SMC2: variants seen among roughly 807,000 people sequenced by gnomAD.
SMC2 encodes structural maintenance of chromosomes protein 2.
A neutral mutation model predicts 142.6 loss-of-function variants in SMC2; 41 were observed. That is an observed-to-expected ratio of 0.29 (90% CI 0.22 to 0.37). The LOEUF is 0.37. Ranked by LOEUF, SMC2 falls within the 10% of genes least tolerant of loss-of-function variation. SMC2 has a pLI of 1.00. For missense variants in SMC2, 1,265 were observed against 1,373.7 expected, an observed-to-expected ratio of 0.92 and a Z score of 1.25; for synonymous variants, 463 against 457.5, an observed-to-expected ratio of 1.01 and a Z score of -0.15.
chr9:104,100,372 T>G lies in SMC2; in HGVS notation c.592-17T>G, dbSNP rs752766706. The G allele has an allele frequency of 6.6e-7, 1 of 1,516,006 alleles. No homozygotes were observed. The highest frequency in any genetic ancestry group is 9.1e-7 in the Non-Finnish European group (1 of 1,096,398). 93.9% of individuals were successfully genotyped at this position (1,516,006 alleles called of 1,614,324 possible). On this transcript the variant is annotated splice_polypyrimidine_tract_variant and intron_variant, in intron 6 of 24. Transcript: ENST00000374793. ...ATACTTTACATGCGAAAATACTGAT[T>G]TTTCTTTATTTTCCAGATACTTGAA... is the stretch of plus-strand genomic sequence containing the variant.
At chr9:104,137,200 A>G (rs1183337635) in intron 23 of SMC2, among the ~76,000 whole-genome samples, 1 of 152,210 alleles carries the variant, frequency 6.6e-6, no homozygotes, top group Non-Finnish European at 1.5e-5. Context: ...ACTGTATGCC[A>G]GGATGTACTT....
chr9:104,095,514 T>G lies in SMC2; in HGVS notation c.130T>G (p.Ser44Ala). 6.2e-7 allele frequency: 1 copy of G among 1,614,088 alleles called. No individual in the cohort carries two copies. Among genetic ancestry groups the G allele is most frequent in the Non-Finnish European group, 8.5e-7 (1 of 1,179,940 alleles). ...TAGTGGGAAATCCAACATATTGGAC[T>G]CCATCTGCTTTTTGCTGGGCATCTC... ...NGSGKSNILD[S>A]ICFLLGISNL... is the part of the protein sequence containing the mutation. The change falls in exon 2 of 25, where the codon TCC becomes GCC. Residue 44 changes from serine (S) to alanine (A), a missense_variant. Around this residue, in one of 4 missense-constraint regions of SMC2, gnomAD observed 168 missense variants for 184.8 expected, o/e 0.91. Coordinates refer to ENST00000374793, the MANE Select transcript of SMC2 (RefSeq NM_006444.3).
At chr9:104,123,377 T>A in intron 17 of SMC2, 145 bp downstream of exon 17, 1 of 669,088 alleles carries the variant, frequency 1.5e-6, no homozygotes, top group Non-Finnish European at 2.3e-6. Context: ...TTTCTAGGTC[T>A]TAGGGTATGG....
At chr9:104,097,930 T>C (rs999421410) in intron 3 of SMC2, among the ~76,000 whole-genome samples, 5 of 152,094 alleles carry the variant, frequency 3.3e-5, no homozygotes, top group African/African-American at 1.2e-4. Flanking sequence ...AGTGTGATAG[T>C]AGAGTATGGT....
intron 18 of SMC2, among the ~76,000 whole-genome samples, chr9:104,126,278 A>ACT (rs1434265947): frequency 2.0e-5 from 3 of 152,218 alleles, no homozygotes; most frequent in African/African-American, 7.2e-5. Context: ...ATAGTGGGAA[A>ACT]GAAGAATATT....
chr9:104,137,872 G>T (rs935689874), intron 23 of SMC2, 146 bp from the exon 24 acceptor site: 1 of 448,240 alleles, frequency 2.2e-6, no homozygotes, highest in South Asian at 9.2e-5. Flanking sequence ...AAGTGTTAAA[G>T]TTTGAAACTC....
chr9:104,116,858 T>A (rs1160954903), intron 14 of SMC2, among the ~76,000 whole-genome samples: 2 of 152,168 alleles, frequency 1.3e-5, no homozygotes. Context: ...AGAAAATAGA[T>A]TAGTACAAGG....
At position 104,116,078 on chromosome 9, in the gene SMC2, A is replaced by G. The variant is rs1017828956; in HGVS notation, c.1672-122A>G. On this transcript the variant is annotated intron_variant, in intron 13 of 24. Coordinates refer to ENST00000374793, the MANE Select transcript of SMC2 (RefSeq NM_006444.3). The stretch of plus-strand genomic sequence containing the variant: ...CAAATGATGTTCCATTGCATATGTA[A>G]TTATAACTTGATTGGGATAAATGGC... 6 of 815,782 alleles carry G rather than the reference A, an allele frequency of 7.4e-6. No homozygotes were observed. In the Admixed American group the frequency reaches 2.1e-4, roughly 29 times the overall value. 50.5% of individuals were successfully genotyped at this position (815,782 alleles called of 1,614,324 possible). A position where few individuals can be genotyped will look rare whatever the true frequency, so the allele number is the denominator to read the frequency against.
At chr9:104,132,402 T>G (rs913032226) in intron 22 of SMC2, among the ~76,000 whole-genome samples, 3 of 152,134 alleles carry the variant, frequency 2.0e-5, no homozygotes, top group African/African-American at 7.2e-5. Context: ...AAATCCCAAT[T>G]CCATTTTGTT....
chr9:104,104,756 T>C (rs1009683671), intron 9 of SMC2, among the ~76,000 whole-genome samples: 1 of 152,206 alleles, frequency 6.6e-6, no homozygotes, highest in Non-Finnish European at 1.5e-5. Flanking sequence ...CCCACAGACT[T>C]CTCTGAAGCT....
At position 104,140,772 on chromosome 9, in the gene SMC2, A is replaced by G. The variant is rs1005265221; in HGVS notation, c.*1457A>G. The G allele has an allele frequency of 2.6e-5, 4 of 152,618 alleles. No individual in the cohort carries two copies. Among genetic ancestry groups the G allele is most frequent in the Non-Finnish European group, 5.9e-5 (4 of 68,028 alleles). The allele number at this position is 152,618 out of a possible 1,614,324, so 9.5% of individuals were successfully genotyped here. On this transcript the variant is annotated 3_prime_UTR_variant, in exon 25 of 25. Coordinates refer to ENST00000374793, the MANE Select transcript of SMC2 (RefSeq NM_006444.3). ...TATTACAGACTGTGCCAAAACAGTT[A>G]CCAATTCACACTGTCAATATTAAAG...
chr9:104,111,424 AATG>A (rs1194692661), intron 9 of SMC2, among the ~76,000 whole-genome samples, 154 bp from the exon 10 acceptor site: 3 of 152,324 alleles, frequency 2.0e-5, no homozygotes, highest in East Asian at 3.9e-4. Flanking sequence ...TGAATTTCAA[AATG>A]ATAATTCAGT....
chr9:104,135,486 G>T (rs1835431341), intron 23 of SMC2, among the ~76,000 whole-genome samples: 1 of 152,272 alleles, frequency 6.6e-6, no homozygotes, highest in East Asian at 1.9e-4. Context: ...TAATGGGCAA[G>T]TAATTGGAGT....
chr9:104,094,269 T>C, upstream of SMC2: 1 of 398,414 alleles, frequency 2.5e-6, no homozygotes, highest in Non-Finnish European at 4.4e-6. Flanking sequence ...GCACAGGAAA[T>C]AAGCAATGGA....
rs1477348527 is a variant in SMC2, at chr9:104,113,482, C to A, written c.1414+7C>A. ...AAAAAGCTAAATTATGAAGGTTTGC[C>A]TTTAAAAACATGATAATCAGATCAT... On this transcript the variant is annotated splice_region_variant and intron_variant, in intron 11 of 24. Coordinates refer to ENST00000374793, the MANE Select transcript of SMC2 (RefSeq NM_006444.3). 6.3e-7 allele frequency: 1 copy of A among 1,586,674 alleles called. No individual in the cohort carries two copies. The highest frequency in any genetic ancestry group is 1.8e-5 in the Admixed American group (1 of 54,554).
chr9:104,118,331 C>T lies in SMC2; in HGVS notation c.1952C>T (p.Thr651Ile). The change falls in exon 15 of 25, where the codon ACT becomes ATT. Residue 651 changes from threonine (T) to isoleucine (I), a missense_variant. Thr to Ile is a moderately conservative substitution (Grantham distance 89). This residue lies in a region of SMC2 where 898 missense variants were observed against 904.2 expected (regional missense o/e 0.99). Coordinates refer to ENST00000374793, the MANE Select transcript of SMC2 (RefSeq NM_006444.3). The part of the protein sequence containing the change: ...FDKRIMTRTV[T>I]LGGDVFDPHG... The stretch of plus-strand genomic sequence containing the variant: ...AAGAGGATAATGACTAGAACTGTAA[C>T]TCTCGGAGGTGATGTGTTTGATCCT... 6.2e-7 allele frequency: 1 copy of T among 1,613,506 alleles called. No homozygotes were observed. Among genetic ancestry groups the T allele is most frequent in the Non-Finnish European group, 8.5e-7 (1 of 1,179,620 alleles).
At chr9:104,123,300 T>G in intron 17 of SMC2, 68 bp downstream of exon 17, 2 of 1,465,440 alleles carry the variant, frequency 1.4e-6, no homozygotes, top group Non-Finnish European at 1.9e-6. Context: ...TTTAGGTATC[T>G]TCTCTACCTG....
intron 9 of SMC2, among the ~76,000 whole-genome samples, chr9:104,108,955 G>A (rs947918863): frequency 1.3e-5 from 2 of 152,112 alleles, no homozygotes; most frequent in African/African-American, 2.4e-5. Context: ...AGCATGAAAG[G>A]ACATGCATAT....
In SMC2 at chr9:104,094,391, G is replaced by A. The variant is rs2131261981; in HGVS notation, c.-148G>A. 2.5e-6 allele frequency: 1 copy of A among 398,834 alleles called. No homozygotes were observed. Among genetic ancestry groups the A allele is most frequent in the Non-Finnish European group, 4.4e-6 (1 of 226,230 alleles). The allele number at this position is 398,834 out of a possible 1,614,324, so 24.7% of individuals were successfully genotyped here. A position where few individuals can be genotyped will look rare whatever the true frequency, so the allele number is the denominator to read the frequency against. On this transcript the variant is annotated 5_prime_UTR_variant, in exon 1 of 25. Transcript: ENST00000374793. ...GCTATGGTGAAGTTCGCTTTGTAGC[G>A]GCCCCGGCTAGAGAGTTGTTCTGTT...
Sources: allele counts gnomAD v4.1 joint callset (sites outside exome capture counted in the v4.1 genomes callset), GRCh38; gene constraint gnomAD v4.1.1; regional missense constraint gnomAD v4.1.1; transcripts MANE v1.5; gene names NCBI Gene and HGNC (gene_info 2026-07-23, HGNC 2026-07-21).